Variants in SIDT1 observed in about 807,000 individuals in gnomAD.
The protein encoded by SIDT1 is SID1 transmembrane family member 1, also known as SID1 transmembrane family, member 1.
Under a neutral mutation model 107.5 loss-of-function variants are expected in SIDT1, and 101 were observed. That is an observed-to-expected ratio of 0.94 (90% CI 0.80 to 1.11). SIDT1 has a LOEUF of 1.11. SIDT1 is among the 50% of genes least tolerant of loss of function. The pLI is 0.00. For missense variants in SIDT1, 1,076 were observed against 1,058.2 expected, an observed-to-expected ratio of 1.02 and a Z score of -0.23; for synonymous variants, 395 against 398.2, an observed-to-expected ratio of 0.99 and a Z score of 0.10.
At chr3:113,604,826 T>G in intron 13 of SIDT1, 84 bp from the exon 14 acceptor site, 1 of 1,489,042 alleles carries the variant, frequency 6.7e-7, no homozygotes. Context: ...ACTTATGGGG[T>G]GGAAGCATTC....
At chr3:113,567,513 T>C in intron 2 of SIDT1, 27 bp from the exon 3 acceptor site, 6 of 1,573,018 alleles carry the variant, frequency 3.8e-6, no homozygotes, top group Non-Finnish European at 4.3e-6. Flanking sequence ...CCTTGTTTAT[T>C]TTTTTCCCCT....
In SIDT1 at chr3:113,614,679, T is replaced by G. The variant is rs13434074; in HGVS notation, c.1967-1421T>G. On this transcript the variant is annotated intron_variant, in intron 19 of 24. Coordinates refer to ENST00000264852, the MANE Select transcript of SIDT1 (RefSeq NM_017699.3). The stretch of plus-strand genomic sequence containing the variant: ...AAGGCAGCAGCAATGAGGAAAAACA[T>G]TTCATCATTAGCTCTCATAAACCGC... Among the ~76,000 whole-genome samples the G allele has an allele frequency of 3.9e-3, 587 of 152,266 alleles. 2 individuals carry two copies. Among genetic ancestry groups the G allele is most frequent in the African/African-American group, 0.014 (563 of 41,538 alleles).
Position 113,623,502 on chromosome 3 carries a change from G to C in SIDT1, c.2166G>C (p.Leu722Phe), listed in dbSNP as rs147135986. Residue 722 changes from leucine (L) to phenylalanine (F), a missense_variant, in exon 22 of 25, where the codon TTG becomes TTC. Coordinates refer to ENST00000264852, the MANE Select transcript of SIDT1 (RefSeq NM_017699.3). ...TGGGCATCTTCATCTGTAACCTTTT[G>C]CTGTACCTGGCCTTTTACATCATCA... ...YMLGIFICNL[L>F]LYLAFYIIMK... 549 of 1,613,982 alleles carry C rather than the reference G, an allele frequency of 3.4e-4. No homozygotes were observed. The highest frequency in any genetic ancestry group is 5.3e-4 in the Admixed American group (32 of 60,018).
chr3:113,613,155 G>A (rs925657834), intron 19 of SIDT1, among the ~76,000 whole-genome samples: 1 of 152,194 alleles, frequency 6.6e-6, no homozygotes, highest in Non-Finnish European at 1.5e-5. Flanking sequence ...TGGCACCTTT[G>A]CCCTACATCC....
rs745495334 is a variant in SIDT1, at chr3:113,627,638, C to G, written c.2422-8C>G. 1.2e-6 allele frequency: 2 copies of G among 1,613,804 alleles called. No homozygotes were observed. On this transcript the variant is annotated splice_polypyrimidine_tract_variant and splice_region_variant and intron_variant, in intron 24 of 24. Coordinates refer to ENST00000264852, the MANE Select transcript of SIDT1 (RefSeq NM_017699.3). ...ATTCCTTTCATTTCTCTGTCCCTCT[C>G]ACTTCAGGTTTTGTTAACTTTGGAT...
intron 10 of SIDT1, among the ~76,000 whole-genome samples, chr3:113,594,584 G>A (rs567870547): frequency 4.3e-4 from 66 of 152,122 alleles, no homozygotes; most frequent in Admixed American, 1.2e-3. Context: ...ATTCAGAAGG[G>A]TCTGTTGAAC....
chr3:113,544,842 G>A (rs1170260780), intron 1 of SIDT1, among the ~76,000 whole-genome samples: 4 of 152,148 alleles, frequency 2.6e-5, no homozygotes, highest in East Asian at 3.9e-4. Context: ...GGCCAGGTGC[G>A]GCGGCTCAAG....
intron 10 of SIDT1, among the ~76,000 whole-genome samples, chr3:113,596,264 A>G: frequency 6.6e-6 from 1 of 152,170 alleles, no homozygotes; most frequent in East Asian, 1.9e-4. Context: ...GAAGAAATGG[A>G]ATCAGGTCCC....
chr3:113,575,178 A>T (rs1942801148), intron 3 of SIDT1, among the ~76,000 whole-genome samples: 1 of 152,220 alleles, frequency 6.6e-6, no homozygotes, highest in Non-Finnish European at 1.5e-5. Flanking sequence ...ACTGAAACTC[A>T]AATGATGGGG....
At chr3:113,581,777 G>C (rs1943365117) in intron 6 of SIDT1, 1 of 249,070 alleles carries the variant, frequency 4.0e-6, no homozygotes, top group African/African-American at 2.3e-5. Context: ...GGAGGCTGAG[G>C]CAGGAGAGTC....
At chr3:113,576,382 C>T (rs1343907936) in intron 3 of SIDT1, among the ~76,000 whole-genome samples, 3 of 152,134 alleles carry the variant, frequency 2.0e-5, no homozygotes, top group Admixed American at 1.3e-4. Context: ...GGCAGGCAAT[C>T]GGGGAGCTAT....
rs1943352914 is a variant in SIDT1, at chr3:113,581,623, AG to A, written c.747+180del. On this transcript the variant is annotated intron_variant, in intron 6 of 24. Coordinates refer to ENST00000264852, the MANE Select transcript of SIDT1 (RefSeq NM_017699.3). ...CGCAGTGGCTCACACCTGTAATCCT[AG>A]CACTTTGGGAGGCCAAGGCGAGCGG... The A allele has an allele frequency of 1.1e-5, 6 of 569,136 alleles. No individual in the cohort carries two copies. In the East Asian group the frequency reaches 1.8e-4, roughly 17 times the overall value. The allele number at this position is 569,136 out of a possible 1,614,324, so 35.3% of individuals were successfully genotyped here. A position where few individuals can be genotyped will look rare whatever the true frequency, so the allele number is the denominator to read the frequency against.
intron 2 of SIDT1, 66 bp downstream of exon 2, chr3:113,566,607 T>A: frequency 6.5e-7 from 1 of 1,547,044 alleles, no homozygotes; most frequent in Middle Eastern, 1.7e-4. Flanking sequence ...AGAACTTAAT[T>A]GGTCTTTTCC....
At position 113,559,576 on chromosome 3, in the gene SIDT1, G is replaced by A. The variant is rs184659102; in HGVS notation, c.223-6844G>A. On this transcript the variant is annotated intron_variant, in intron 1 of 24. Coordinates refer to ENST00000264852, the MANE Select transcript of SIDT1 (RefSeq NM_017699.3). Reference sequence around the variant, plus strand: ...CCTGCCTCAGCCTTCTGAGTGGCTGGGACTACAGGAGCACGCCACTACACC... The same window carrying A: ...CCTGCCTCAGCCTTCTGAGTGGCTGAGACTACAGGAGCACGCCACTACACC... Among the ~76,000 whole-genome samples the A allele has an allele frequency of 5.7e-3, 870 of 152,090 alleles. 7 individuals carry two copies. Among genetic ancestry groups the A allele is most frequent in the South Asian group, 0.018 (88 of 4,816 alleles).
chr3:113,592,292 C>G (rs1036015212), intron 9 of SIDT1, among the ~76,000 whole-genome samples: 6 of 151,966 alleles, frequency 3.9e-5, no homozygotes, highest in African/African-American at 1.5e-4. Flanking sequence ...TTTTTGAAGG[C>G]AAAAATCACA....
intron 1 of SIDT1, among the ~76,000 whole-genome samples, chr3:113,554,809 C>T (rs962807348): frequency 1.3e-5 from 2 of 152,002 alleles, no homozygotes; most frequent in Non-Finnish European, 2.9e-5. Flanking sequence ...CATCCCCCCT[C>T]TTATTTTTAT....
intron 20 of SIDT1, among the ~76,000 whole-genome samples, chr3:113,617,072 T>C (rs940712309): frequency 6.6e-6 from 1 of 152,216 alleles, no homozygotes; most frequent in Non-Finnish European, 1.5e-5. Context: ...TGTACCCTTA[T>C]AAATAATCAT....
At chr3:113,605,028 G>A (rs1945225043) in intron 14 of SIDT1, 52 bp downstream of exon 14, 2 of 1,594,842 alleles carry the variant, frequency 1.3e-6, no homozygotes, top group African/African-American at 1.3e-5. Flanking sequence ...TTTCTGCAGG[G>A]AGAGTCTCCA....
At chr3:113,567,101 G>T (rs1941990162) in intron 2 of SIDT1, among the ~76,000 whole-genome samples, 1 of 152,162 alleles carries the variant, frequency 6.6e-6, no homozygotes, top group African/African-American at 2.4e-5. Context: ...CTTTTTAAAG[G>T]TTGAAGAACT....
Sources: allele counts gnomAD v4.1 joint callset (sites outside exome capture counted in the v4.1 genomes callset), GRCh38; gene constraint gnomAD v4.1.1; transcripts MANE v1.5; gene names NCBI Gene and HGNC (gene_info 2026-07-23, HGNC 2026-07-21).